MPHOSPH6: variants seen among roughly 807,000 people sequenced by gnomAD.
The protein encoded by MPHOSPH6 is M-phase phosphoprotein 6.
Under a neutral mutation model 21.8 loss-of-function variants are expected in MPHOSPH6, and 25 were observed. The ratio of observed to expected loss-of-function variants is 1.15; its 90% CI spans 0.83 to 1.60. The LOEUF (loss-of-function observed/expected upper bound fraction) is 1.60. MPHOSPH6 is among the 40% of genes most tolerant of loss of function. MPHOSPH6 has a pLI of 0.00. For synonymous variants in MPHOSPH6, 84 were observed against 56.5 expected, an observed-to-expected ratio of 1.49 and a Z score of -2.18; for missense variants, 269 against 181.8, an observed-to-expected ratio of 1.48 and a Z score of -2.76.
intron 2 of MPHOSPH6, among the ~76,000 whole-genome samples, chr16:82,159,304 ATG>A (rs1906531379): frequency 6.6e-6 from 1 of 152,230 alleles, no homozygotes; most frequent in African/African-American, 2.4e-5. Flanking sequence ...GTCATTAAAA[ATG>A]TGTTAGGTAA....
intron 1 of MPHOSPH6, chr16:82,164,814 A>ATTT (rs1852813972): frequency 6.6e-6 from 1 of 152,162 alleles, no homozygotes; most frequent in African/African-American, 2.4e-5. Flanking sequence ...CTTCGTTTTT[A>ATTT]TTTTTCCTCT....
At chr16:82,153,641 G>A (rs1753850189) in intron 2 of MPHOSPH6, among the ~76,000 whole-genome samples, 1 of 152,216 alleles carries the variant, frequency 6.6e-6, no homozygotes. Context: ...TTCAGGACCT[G>A]CATACTGGGT....
intron 2 of MPHOSPH6, among the ~76,000 whole-genome samples, chr16:82,157,240 C>G (rs2142410069): frequency 6.6e-6 from 1 of 152,234 alleles, no homozygotes; most frequent in Middle Eastern, 3.4e-3. Context: ...AGTGTTATAA[C>G]ACTTCTCTAT....
chr16:82,159,289 T>C (rs889729416), intron 2 of MPHOSPH6, among the ~76,000 whole-genome samples: 2 of 152,264 alleles, frequency 1.3e-5, no homozygotes, highest in African/African-American at 4.8e-5. Context: ...TTGAAAAAGT[T>C]ATTTGTCATT....
rs1597157896 is a variant in MPHOSPH6, at chr16:82,148,503, C to T, written c.*228G>A. On this transcript the variant is annotated 3_prime_UTR_variant, in exon 5 of 5. Transcript: ENST00000258169. ...TAGGAAGCAGCCCTGTAACAATGTA[C>T]ATTTGTAGATCAGGGGCTAAAAATC... 2.4e-5 allele frequency: 11 copies of T among 455,336 alleles called. No individual in the cohort carries two copies. The East Asian group carries it at 3.5e-4, about 15-fold the overall frequency. The allele number at this position is 455,336 out of a possible 1,614,324, so 28.2% of individuals were successfully genotyped here.
At chr16:82,160,474 A>G (rs1906572901) in intron 2 of MPHOSPH6, among the ~76,000 whole-genome samples, 1 of 152,344 alleles carries the variant, frequency 6.6e-6, no homozygotes, top group African/African-American at 2.4e-5. Flanking sequence ...GCTCTGGACT[A>G]TCTTTGCAAG....
At chr16:82,149,446 T>G (rs1390420255) in intron 3 of MPHOSPH6, 43 bp from the exon 4 acceptor site, 2 of 1,564,816 alleles carry the variant, frequency 1.3e-6, no homozygotes, top group Non-Finnish European at 1.8e-6. Context: ...AGAAAACGCT[T>G]GTGAAAGGAA....
chr16:82,154,536 T>C (rs1440601221), intron 2 of MPHOSPH6, among the ~76,000 whole-genome samples: 1 of 152,074 alleles, frequency 6.6e-6, no homozygotes, highest in African/African-American at 2.4e-5. Context: ...ATAGTTACTG[T>C]AAATTTATTC....
rs377349563 is a variant in MPHOSPH6 at position 82,161,325 on chromosome 16, G to GA, written c.164+2756dup. ...GTTCCTATCTTCCACCAGCATCAGT[G>GA]AAAGTGTGGCAGGCTAACTTGTTAG... is the stretch of plus-strand genomic sequence containing the variant. On this transcript the variant is annotated intron_variant, in intron 2 of 4. Coordinates refer to ENST00000258169, the MANE Select transcript of MPHOSPH6 (RefSeq NM_005792.2). Among the ~76,000 whole-genome samples, 461 of 152,304 alleles carry GA rather than the reference G, an allele frequency of 3.0e-3. 2 individuals are homozygous for GA. The highest frequency in any genetic ancestry group is 0.011 in the African/African-American group (439 of 41,556).
intron 1 of MPHOSPH6, among the ~76,000 whole-genome samples, chr16:82,169,433 G>A (rs1282047097): frequency 2.0e-5 from 3 of 152,184 alleles, no homozygotes; most frequent in African/African-American, 4.8e-5. Context: ...CTCCCTGGAA[G>A]AAGAGGGAGT....
Position 82,156,107 on chromosome 16 carries a change from G to A in MPHOSPH6, c.165-4593C>T, listed in dbSNP as rs1280951306. On this transcript the variant is annotated intron_variant, in intron 2 of 4. Coordinates refer to ENST00000258169, the MANE Select transcript of MPHOSPH6 (RefSeq NM_005792.2). The stretch of plus-strand genomic sequence containing the variant: ...TGATTCATTAGACGAGAGTCATAAG[G>A]AATTAACCATAAAAGAAAAAATTGA... 2.0e-5 allele frequency among the ~76,000 whole-genome samples: 3 copies of A among 152,148 alleles called. No homozygotes were observed. The South Asian group carries it at 6.2e-4, about 32-fold the overall frequency.
intron 1 of MPHOSPH6, among the ~76,000 whole-genome samples, chr16:82,167,870 G>A (rs548689589): frequency 2.0e-3 from 307 of 152,222 alleles, no homozygotes; most frequent in African/African-American, 7.2e-3. Context: ...GACTGGTGCT[G>A]GTCCATGGCC....
At chr16:82,162,255 C>G (rs977524559) in intron 2 of MPHOSPH6, 1 of 152,272 alleles carries the variant, frequency 6.6e-6, no homozygotes, top group Non-Finnish European at 1.5e-5. Flanking sequence ...GCATCAAACC[C>G]AGGTCTGCCT....
intron 1 of MPHOSPH6, chr16:82,164,988 G>C (rs367963729): frequency 3.9e-5 from 6 of 151,946 alleles, no homozygotes; most frequent in African/African-American, 1.4e-4. Context: ...ACAGCAACAA[G>C]ATAAAATATC....
chr16:82,151,206 C>A lies in MPHOSPH6; in HGVS notation c.255+218G>T, dbSNP rs112018769. ...ATATTTATGGTGGCTCTGTCAAGGGCTGTATACTGCTATATGAAATTATCT... is the reference window on the plus strand; with the variant it reads ...ATATTTATGGTGGCTCTGTCAAGGGATGTATACTGCTATATGAAATTATCT... On this transcript the variant is annotated intron_variant, in intron 3 of 4. Coordinates refer to ENST00000258169, the MANE Select transcript of MPHOSPH6 (RefSeq NM_005792.2). 477 of 478,930 alleles carry A rather than the reference C, an allele frequency of 1.0e-3. 1 individual carries two copies. Among genetic ancestry groups the A allele is most frequent in the Middle Eastern group, 1.7e-3 (4 of 2,324 alleles). 29.7% of individuals were successfully genotyped at this position (478,930 alleles called of 1,614,324 possible).
chr16:82,159,466 G>A (rs181734069), intron 2 of MPHOSPH6, among the ~76,000 whole-genome samples: 11 of 152,044 alleles, frequency 7.2e-5, no homozygotes, highest in Admixed American at 1.3e-4. Context: ...GTGCAGTAGC[G>A]CAATCTCGGC....
chr16:82,165,112 T>C (rs551728282), intron 1 of MPHOSPH6, among the ~76,000 whole-genome samples: 1 of 85,600 alleles, frequency 1.2e-5, no homozygotes, highest in African/African-American at 7.5e-5. Flanking sequence ...GGTCCGATAT[T>C]TCTTTTTTAT....
chr16:82,154,278 C>G (rs1906359539), intron 2 of MPHOSPH6, among the ~76,000 whole-genome samples: 1 of 152,170 alleles, frequency 6.6e-6, no homozygotes, highest in Non-Finnish European at 1.5e-5. Flanking sequence ...GGAGTAGAGA[C>G]AATTTAGCTA....
At position 82,149,538 on chromosome 16, in the gene MPHOSPH6, G is replaced by C; in HGVS notation, c.256-135C>G. The C allele has an allele frequency of 5.5e-6, 4 of 731,452 alleles. No homozygotes were observed. In the South Asian group the frequency reaches 6.2e-5, roughly 11 times the overall value. The allele number at this position is 731,452 out of a possible 1,614,324, so 45.3% of individuals were successfully genotyped here. On this transcript the variant is annotated intron_variant, in intron 3 of 4. Coordinates refer to ENST00000258169, the MANE Select transcript of MPHOSPH6 (RefSeq NM_005792.2). Reference sequence around the variant, plus strand: ...AGTCAAAATTGATAAGGGACTCTCTGTAATACTTGATACCACAATGGTGTA... The same window carrying C: ...AGTCAAAATTGATAAGGGACTCTCTCTAATACTTGATACCACAATGGTGTA...
Sources: gnomAD v4.1 joint callset for allele counts (sites outside exome capture counted in the v4.1 genomes callset) on GRCh38, gnomAD v4.1.1 for gene constraint, MANE v1.5 for transcripts, NCBI Gene and HGNC (gene_info 2026-07-23, HGNC 2026-07-21) for gene names.